The following RALGPS1 variants were observed in gnomAD, a reference collection of about 807,000 sequenced individuals.
RALGPS1 encodes Ral GEF with PH domain and SH3 binding motif 1.
Under a neutral mutation model 78.8 loss-of-function variants are expected in RALGPS1, and 19 were observed. The observed-to-expected ratio is 0.24, with a 90% CI of 0.17 to 0.35. The LOEUF is 0.35. RALGPS1 is among the 10% of genes least tolerant of loss of function. The pLI is 1.00. For synonymous variants in RALGPS1, 228 were observed against 256.3 expected (o/e 0.89, Z 1.06); for missense variants, 454 against 688.3 (o/e 0.66, Z 3.81).
intron 4 of RALGPS1, among the ~76,000 whole-genome samples, chr9:127,016,106 C>T (rs894038771): frequency 3.3e-5 from 5 of 151,982 alleles, no homozygotes; most frequent in African/African-American, 9.7e-5. Flanking sequence ...TCCCTCCTTC[C>T]CTGCCACCCC....
rs570101150 is a variant in RALGPS1, at chr9:127,034,422, G to A, written c.217-9G>A. On this transcript the variant is annotated splice_polypyrimidine_tract_variant and intron_variant, in intron 4 of 18. Transcript: ENST00000259351. ...GAATCACTGTTGAAATTCATTCTGTGCTTCCTAGGAACTAGCCAGCTGTGG... is the reference window on the plus strand; with the variant it reads ...GAATCACTGTTGAAATTCATTCTGTACTTCCTAGGAACTAGCCAGCTGTGG... 14 of 1,612,946 alleles carry A rather than the reference G, an allele frequency of 8.7e-6. No individual in the cohort carries two copies. In the African/African-American group the frequency reaches 1.6e-4, roughly 18 times the overall value.
intron 1 of RALGPS1, among the ~76,000 whole-genome samples, chr9:126,922,247 G>A (rs942472393): frequency 2.6e-5 from 4 of 152,142 alleles, no homozygotes; most frequent in African/African-American, 9.7e-5. Context: ...TCCCTCTTCA[G>A]GATTTAAATA....
chr9:127,063,958 T>A (rs1196406465), intron 7 of RALGPS1, among the ~76,000 whole-genome samples: 4 of 152,244 alleles, frequency 2.6e-5, no homozygotes, highest in African/African-American at 9.6e-5. Flanking sequence ...GTTTCCTCTG[T>A]GTCAGGAATC....
intron 8 of RALGPS1, among the ~76,000 whole-genome samples, chr9:127,124,313 G>A: frequency 6.6e-6 from 1 of 152,246 alleles, no homozygotes; most frequent in East Asian, 1.9e-4. Flanking sequence ...TGGAGCCTAA[G>A]AAGTCCAGCT....
intron 8 of RALGPS1, among the ~76,000 whole-genome samples, chr9:127,157,679 G>A (rs1252365889): frequency 1.3e-5 from 2 of 151,948 alleles, no homozygotes; most frequent in African/African-American, 2.4e-5. Flanking sequence ...ATTGATTTAT[G>A]TATATTTATT....
chr9:127,177,786 G>A, intron 11 of RALGPS1: 1 of 1,534,238 alleles, frequency 6.5e-7, no homozygotes, highest in South Asian at 1.2e-5. Context: ...ACCCCTGACT[G>A]TCCTGGAAGT....
chr9:127,126,689 T>C (rs953612501), intron 8 of RALGPS1, among the ~76,000 whole-genome samples: 1 of 152,252 alleles, frequency 6.6e-6, no homozygotes, highest in African/African-American at 2.4e-5. Context: ...GGTTCTAGAA[T>C]TTTCACTTGG....
In RALGPS1 at chr9:127,212,570, G is replaced by A; in HGVS notation, c.1354-57G>A. 1 of 1,297,168 alleles carries A rather than the reference G, an allele frequency of 7.7e-7. No individual in the cohort carries two copies. The highest frequency in any genetic ancestry group is 1.1e-6 in the Non-Finnish European group (1 of 916,934). The allele number at this position is 1,297,168 out of a possible 1,614,324, so 80.4% of individuals were successfully genotyped here. On this transcript the variant is annotated intron_variant, in intron 15 of 18. Coordinates refer to ENST00000259351, the MANE Select transcript of RALGPS1 (RefSeq NM_014636.3). This position sits in a 1 kb window ranked among gnomAD's most constrained non-coding sequence, Gnocchi z 6.0. Reference sequence around the variant, plus strand: ...GATGGCTGGGTCTGTAATCGGCCAGGGATCCTCTACCCCCACGACCCCTGG... The same window carrying A: ...GATGGCTGGGTCTGTAATCGGCCAGAGATCCTCTACCCCCACGACCCCTGG...
At chr9:127,027,001 T>G (rs1315462779) in intron 4 of RALGPS1, among the ~76,000 whole-genome samples, 1 of 152,158 alleles carries the variant, frequency 6.6e-6, no homozygotes, top group Non-Finnish European at 1.5e-5. Flanking sequence ...TGACCTTTCA[T>G]TTGTCCTCTG....
At chr9:126,949,492 A>T (rs1225035161) in intron 1 of RALGPS1, among the ~76,000 whole-genome samples, 2 of 152,100 alleles carry the variant, frequency 1.3e-5, no homozygotes, top group Non-Finnish European at 2.9e-5. Flanking sequence ...CTGACTTTTT[A>T]ATGATTGCCA....
At chr9:126,962,993 G>A (rs562394420) in intron 2 of RALGPS1, among the ~76,000 whole-genome samples, 18 of 152,302 alleles carry the variant, frequency 1.2e-4, no homozygotes, top group Middle Eastern at 3.4e-3. Flanking sequence ...GTGATCCTGG[G>A]TAACCTGCCA....
At chr9:127,164,061 GGT>G (rs2059161800) in intron 8 of RALGPS1, among the ~76,000 whole-genome samples, 1 of 151,824 alleles carries the variant, frequency 6.6e-6, no homozygotes, top group Non-Finnish European at 1.5e-5. Context: ...GTTTTCAAAT[GGT>G]TAGTTTTTTT....
intron 4 of RALGPS1, among the ~76,000 whole-genome samples, chr9:126,982,645 C>T (rs1450074811): frequency 1.3e-5 from 2 of 152,024 alleles, no homozygotes; most frequent in Non-Finnish European, 2.9e-5. Flanking sequence ...CACCAGTTTC[C>T]CTTTATGTCA....
intron 8 of RALGPS1, among the ~76,000 whole-genome samples, chr9:127,164,910 A>G (rs368369629): frequency 1.3e-5 from 2 of 152,232 alleles, no homozygotes; most frequent in Middle Eastern, 3.2e-3. Context: ...ATATGTATAT[A>G]TATGTGTATG....
intron 8 of RALGPS1, among the ~76,000 whole-genome samples, chr9:127,109,654 C>T (rs2054601473): frequency 6.6e-6 from 1 of 152,224 alleles, no homozygotes; most frequent in African/African-American, 2.4e-5. Flanking sequence ...CATCCTTTCA[C>T]CAGATGTTGA....
intron 11 of RALGPS1, among the ~76,000 whole-genome samples, chr9:127,194,766 A>C (rs1321961870): frequency 2.0e-5 from 3 of 152,222 alleles, no homozygotes; most frequent in Non-Finnish European, 4.4e-5. Context: ...GGATGTCCTT[A>C]GATAAGTCAT....
intron 11 of RALGPS1, among the ~76,000 whole-genome samples, chr9:127,190,501 T>C (rs149741048): frequency 2.1e-3 from 318 of 152,322 alleles, no homozygotes; most frequent in Middle Eastern, 0.017. Flanking sequence ...GTTTTGTATT[T>C]TTTTTTAGAG....
intron 5 of RALGPS1, among the ~76,000 whole-genome samples, chr9:127,040,836 A>C (rs1564466048): frequency 6.6e-6 from 1 of 152,076 alleles, no homozygotes; most frequent in Non-Finnish European, 1.5e-5. Context: ...GACTTTTTTC[A>C]CTTAGCGATA....
At chr9:127,022,881 T>A (rs957185444) in intron 4 of RALGPS1, among the ~76,000 whole-genome samples, 1 of 152,228 alleles carries the variant, frequency 6.6e-6, no homozygotes, top group Non-Finnish European at 1.5e-5. Context: ...TGACTTATTA[T>A]GATTTCTTTA....
Sources: gnomAD v4.1 joint callset for allele counts (sites outside exome capture counted in the v4.1 genomes callset) on GRCh38, gnomAD v4.1.1 for gene constraint, Gnocchi (gnomAD v3.1) non-coding constraint, MANE v1.5 for transcripts, NCBI Gene and HGNC (gene_info 2026-07-23, HGNC 2026-07-21) for gene names.